Variants in ADAR observed in about 807,000 individuals in gnomAD.
The protein encoded by ADAR is adenosine deaminase RNA specific, also known as double-stranded RNA-specific adenosine deaminase.
ADAR carries 41 observed loss-of-function variants against 113.2 expected under a neutral mutation model. The observed-to-expected ratio is 0.36, with a 90% CI of 0.28 to 0.47. The LOEUF (loss-of-function observed/expected upper bound fraction) is 0.47. Ranked by LOEUF, ADAR falls within the 20% of genes least tolerant of loss-of-function variation. The pLI, the probability that ADAR is intolerant of heterozygous loss-of-function variation, is 1.00. For synonymous variants in ADAR, 605 were observed against 572.6 expected (o/e 1.06, Z -0.81); for missense variants, 1,242 against 1,540.9 (o/e 0.81, Z 3.25).
intron 1 of ADAR, among the ~76,000 whole-genome samples, chr1:154,617,808 T>C (rs968222405): frequency 1.6e-4 from 24 of 152,230 alleles, no homozygotes; most frequent in Admixed American, 1.1e-3. Flanking sequence ...ATGTTAAATA[T>C]ATATATTTAA....
At chr1:154,623,735 G>C (rs1698856850) in intron 1 of ADAR, among the ~76,000 whole-genome samples, 1 of 152,142 alleles carries the variant, frequency 6.6e-6, no homozygotes, top group Non-Finnish European at 1.5e-5. Context: ...GGGCACAGTA[G>C]CTCATGCCTG....
In ADAR at chr1:154,584,557, AAAGAT is replaced by A. The variant is rs1383609288; in HGVS notation, c.*244_*248del. 9 of 509,114 alleles carry A rather than the reference AAAGAT, an allele frequency of 1.8e-5. No individual in the cohort carries two copies. The highest frequency in any genetic ancestry group is 7.6e-5 in the African/African-American group (4 of 52,418). The allele number at this position is 509,114 out of a possible 1,614,324, so 31.5% of individuals were successfully genotyped here. A position where few individuals can be genotyped will look rare whatever the true frequency, so the allele number is the denominator to read the frequency against. ...ACTATGTATGCTTTGGGTAGAAAGA[AAAGAT>A]AACTTCTTAGGTTTCTGCCTCTTCA... is the stretch of plus-strand genomic sequence containing the variant. On this transcript the variant is annotated 3_prime_UTR_variant, in exon 15 of 15. Coordinates refer to ENST00000368474, the MANE Select transcript of ADAR (RefSeq NM_001111.5).
Position 154,584,997 on chromosome 1 carries a change from G to T in ADAR, c.3490C>A (p.Leu1164Ile). The change falls in exon 15 of 15, where the codon CTA (leucine) becomes ATA (isoleucine). Residue 1164 changes from leucine (L) to isoleucine (I), a missense_variant. Around this residue, in one of 2 missense-constraint regions of ADAR, gnomAD observed 780 missense variants for 1,057.9 expected, o/e 0.74. Transcript: ENST00000368474. The stretch of plus-strand genomic sequence containing the variant: ...CGGAAGGAGCAGAGCTTCTTAAATA[G>T]AAGAAAAATGTTCTTTTTGGAGACC... ...SRVSKKNIFL[L>I]FKKLCSFRYR... 1 of 1,614,120 alleles carries T rather than the reference G, an allele frequency of 6.2e-7. No homozygotes were observed. The highest frequency in any genetic ancestry group is 8.5e-7 in the Non-Finnish European group (1 of 1,180,028).
At chr1:154,607,880 C>CAA in intron 1 of ADAR, 112 bp downstream of exon 1, 1 of 1,537,856 alleles carries the variant, frequency 6.5e-7, no homozygotes, top group South Asian at 1.2e-5. Flanking sequence ...ACGACACACA[C>CAA]ACACACACTC....
chr1:154,611,029 T>C (rs542349943), upstream of ADAR, among the ~76,000 whole-genome samples: 1 of 152,236 alleles, frequency 6.6e-6, no homozygotes, highest in South Asian at 2.1e-4. Flanking sequence ...ATTTCACAAA[T>C]TTAAAAGGTA....
At position 154,586,231 on chromosome 1, in the gene ADAR, G is replaced by C. The variant is rs778102753; in HGVS notation, c.3152C>G (p.Ala1051Gly). 7 of 1,614,222 alleles carry C rather than the reference G, an allele frequency of 4.3e-6. No homozygotes were observed. The highest frequency in any genetic ancestry group is 1.7e-4 in the Middle Eastern group (1 of 6,056). ...GGGCTGCAGGAAGTGGGTCAACAGT[G>C]CCCCTTGCAGGCCCAGCACGTTCCA... ...LRWNVLGLQG[A>G]LLTHFLQPIY... The change falls in exon 12 of 15, where the codon GCA becomes GGA. Residue 1051 changes from alanine to glycine, a missense_variant. Around this residue, in one of 2 missense-constraint regions of ADAR, gnomAD observed 780 missense variants for 1,057.9 expected, o/e 0.74. Coordinates refer to ENST00000368474, the MANE Select transcript of ADAR (RefSeq NM_001111.5).
At chr1:154,626,257 G>A (rs114887505) in intron 1 of ADAR, among the ~76,000 whole-genome samples, 1,682 of 151,814 alleles carry the variant, frequency 0.011, 28 homozygotes, top group African/African-American at 0.039. Flanking sequence ...TGGGATCACA[G>A]ATGTGCACCA....
intron 6 of ADAR, among the ~76,000 whole-genome samples, chr1:154,596,347 A>G (rs1010948942): frequency 2.2e-4 from 17 of 76,440 alleles, no homozygotes; most frequent in Admixed American, 6.3e-4. Context: ...GCTTCAATCA[A>G]TTCTCCTGTC....
At chr1:154,595,111 A>G (rs1697408388) in intron 6 of ADAR, among the ~76,000 whole-genome samples, 1 of 152,240 alleles carries the variant, frequency 6.6e-6, no homozygotes, top group African/African-American at 2.4e-5. Context: ...GTGGCGAGCA[A>G]GAAAGCATTC....
chr1:154,606,575 G>A (rs563897295), intron 1 of ADAR, among the ~76,000 whole-genome samples: 2 of 152,270 alleles, frequency 1.3e-5, no homozygotes, highest in East Asian at 1.9e-4. Flanking sequence ...GGGTTAGAGG[G>A]AGAGGAGGAG....
chr1:154,615,702 C>T (rs537365259), intron 1 of ADAR, among the ~76,000 whole-genome samples: 13 of 152,342 alleles, frequency 8.5e-5, no homozygotes, highest in African/African-American at 2.9e-4. Flanking sequence ...GCGTGAGCCA[C>T]CATGCCTCAC....
At chr1:154,604,859 C>G (rs896788769) in intron 1 of ADAR, among the ~76,000 whole-genome samples, 2 of 152,212 alleles carry the variant, frequency 1.3e-5, no homozygotes, top group Non-Finnish European at 2.9e-5. Flanking sequence ...TCTACTATGT[C>G]CAGCCACTAC....
At position 154,601,265 on chromosome 1, in the gene ADAR, G is replaced by A. The variant is rs1697854809; in HGVS notation, c.1377C>T (p.Ile459=). The A allele has an allele frequency of 1.2e-6, 2 of 1,614,228 alleles. No individual in the cohort carries two copies. Among genetic ancestry groups the A allele is most frequent in the African/African-American group, 1.3e-5 (1 of 75,060 alleles). ...FENGQWATDD[I]PDDLNSIRAA... ...CGCGGATACTATTCAAGTCATCTGG[G>A]ATGTCATCTGTGGCCCACTGGCCAT... The change falls in exon 2 of 15, where the codon ATC becomes ATT. Residue 459 remains isoleucine (I), a synonymous_variant. Transcript: ENST00000368474. The surrounding 1 kb of genome is among the most constrained non-coding windows in gnomAD (Gnocchi z 4.7).
At chr1:154,599,837 G>GC (rs1697744398) in intron 2 of ADAR, among the ~76,000 whole-genome samples, 1 of 152,262 alleles carries the variant, frequency 6.6e-6, no homozygotes, top group South Asian at 2.1e-4. Context: ...AGGAGTGGCA[G>GC]CAAGTGCTAG....
intron 9 of ADAR, 77 bp downstream of exon 9, chr1:154,589,292 G>T: frequency 8.7e-7 from 1 of 1,144,240 alleles, no homozygotes; most frequent in Admixed American, 1.7e-5. Flanking sequence ...TTCAGAGGCC[G>T]TGTCAGAGCC....
At chr1:154,600,622 C>T (rs183923510) in intron 2 of ADAR, 37 of 265,476 alleles carry the variant, frequency 1.4e-4, no homozygotes, top group East Asian at 2.9e-4. Context: ...TACAGGTGCA[C>T]GCCACCACGC....
At position 154,585,507 on chromosome 1, in the gene ADAR, A is replaced by G. The variant is rs1696700905; in HGVS notation, c.3316-163T>C. The G allele has an allele frequency of 3.0e-6, 3 of 1,001,768 alleles. No individual in the cohort carries two copies. The African/African-American group carries it at 4.8e-5, about 16-fold the overall frequency. 62.1% of individuals were successfully genotyped at this position (1,001,768 alleles called of 1,614,324 possible). On this transcript the variant is annotated intron_variant, in intron 13 of 14. Coordinates refer to ENST00000368474, the MANE Select transcript of ADAR (RefSeq NM_001111.5). ...AGACTGAGCACCCTCTAGACATACT[A>G]ACTCCACCTCGATTCAGATTAATTC... is the stretch of plus-strand genomic sequence containing the variant.
chr1:154,615,770 G>T (rs1477489865), intron 1 of ADAR, among the ~76,000 whole-genome samples: 1 of 152,086 alleles, frequency 6.6e-6, no homozygotes, highest in Admixed American at 6.5e-5. Context: ...AACAGAATTA[G>T]AGCTTTTAGT....
chr1:154,623,091 C>T (rs116246815), intron 1 of ADAR, among the ~76,000 whole-genome samples: 2 of 152,150 alleles, frequency 1.3e-5, no homozygotes, highest in Admixed American at 6.5e-5. Flanking sequence ...AGGGGCTCTC[C>T]GTCTAGTGGA....
Sources: gnomAD v4.1 joint callset for allele counts (sites outside exome capture counted in the v4.1 genomes callset) on GRCh38, gnomAD v4.1.1 for gene constraint, gnomAD v4.1.1 regional missense constraint, Gnocchi (gnomAD v3.1) non-coding constraint, MANE v1.5 for transcripts, NCBI Gene and HGNC (gene_info 2026-07-23, HGNC 2026-07-21) for gene names.